ZNF713: variants seen among roughly 807,000 people sequenced by gnomAD.
ZNF713 encodes the protein zinc finger protein 713.
In ZNF713, 21 loss-of-function variants were observed where a neutral mutation model predicts 28.7. The observed-to-expected ratio is 0.73, with a 90% CI of 0.52 to 1.05. The LOEUF (loss-of-function observed/expected upper bound fraction) is 1.05. Among genes scored for constraint, ZNF713 ranks in the 50% least tolerant of loss-of-function variants. The pLI is 0.00. For missense variants in ZNF713, 458 were observed against 532.4 expected (o/e 0.86, Z 1.37); for synonymous variants, 167 against 178.0 (o/e 0.94, Z 0.49).
At chr7:55,919,490 G>GTTTTTTTTGTTTTTTTTTTTTTT (rs1785945405) in intron 4 of ZNF713, among the ~76,000 whole-genome samples, 3 of 66,760 alleles carry the variant, frequency 4.5e-5, no homozygotes, top group African/African-American at 1.5e-4. Context: ...AAACACTCCA[G>GTTTTTTTTGTTTTTTTTTTTTTT]TTTTTTTTTT....
intron 4 of ZNF713, among the ~76,000 whole-genome samples, chr7:55,919,639 G>T (rs576980938): frequency 1.3e-5 from 2 of 151,578 alleles, no homozygotes; most frequent in East Asian, 3.9e-4. Flanking sequence ...CCGAGTAGCT[G>T]GGACTACAGG....
chr7:55,917,871 G>A (rs765755475), intron 4 of ZNF713, among the ~76,000 whole-genome samples: 9 of 152,182 alleles, frequency 5.9e-5, no homozygotes, highest in Non-Finnish European at 1.3e-4. Context: ...TTTGCCATGA[G>A]TTTGATATTT....
chr7:55,916,695 G>T (rs1031056015), intron 4 of ZNF713, among the ~76,000 whole-genome samples: 4 of 152,176 alleles, frequency 2.6e-5, no homozygotes, highest in Non-Finnish European at 5.9e-5. Context: ...AAGCTGCTTT[G>T]TTCAATAATT....
chr7:55,912,574 C>G, intron 3 of ZNF713, 61 bp from the exon 4 acceptor site: 1 of 1,247,718 alleles, frequency 8.0e-7, no homozygotes, highest in South Asian at 1.3e-5. Flanking sequence ...AAAGCAGAAT[C>G]TCCAGGATTT....
chr7:55,911,330 A>T (rs1389822335), intron 2 of ZNF713, among the ~76,000 whole-genome samples: 1 of 152,244 alleles, frequency 6.6e-6, no homozygotes, highest in South Asian at 2.1e-4. Flanking sequence ...TTTCTAAAGA[A>T]AACAGTCATT....
At chr7:55,935,557 C>A (rs1193057304) in intron 6 of ZNF713, among the ~76,000 whole-genome samples, 1 of 152,114 alleles carries the variant, frequency 6.6e-6, no homozygotes, top group African/African-American at 2.4e-5. Flanking sequence ...ACAGAAGATA[C>A]CTGCATATCA....
At chr7:55,909,872 C>T (rs999773907) in intron 2 of ZNF713, among the ~76,000 whole-genome samples, 5 of 151,744 alleles carry the variant, frequency 3.3e-5, no homozygotes, top group Non-Finnish European at 5.9e-5. Flanking sequence ...TCAGCTTGAA[C>T]GTTAAAAGTA....
chr7:55,919,905 T>C (rs1222740411), intron 4 of ZNF713, among the ~76,000 whole-genome samples: 1 of 152,102 alleles, frequency 6.6e-6, no homozygotes, highest in African/African-American at 2.4e-5. Flanking sequence ...GGGGTATGTG[T>C]ACAGAACGTG....
intron 1 of ZNF713, among the ~76,000 whole-genome samples, chr7:55,896,700 T>TC (rs890529664): frequency 6.6e-6 from 1 of 151,858 alleles, no homozygotes; most frequent in Non-Finnish European, 1.5e-5. Context: ...CCTAGTTATG[T>TC]CTGCTAAGAG....
At chr7:55,892,382 G>C (rs1785397400) in intron 1 of ZNF713, among the ~76,000 whole-genome samples, 2 of 151,588 alleles carry the variant, frequency 1.3e-5, no homozygotes, top group African/African-American at 4.8e-5. Flanking sequence ...GGTGTTCAGG[G>C]TTTTAATTGG....
chr7:55,917,192 C>T (rs112719879), intron 4 of ZNF713, among the ~76,000 whole-genome samples: 43,238 of 149,752 alleles, frequency 0.29, 6,594 homozygotes, highest in Middle Eastern at 0.38. Flanking sequence ...CCAGCCTGGG[C>T]GACAGAGCAA....
At chr7:55,925,307 C>G (rs1044378547) in intron 6 of ZNF713, among the ~76,000 whole-genome samples, 2 of 152,156 alleles carry the variant, frequency 1.3e-5, no homozygotes, top group Non-Finnish European at 2.9e-5. Flanking sequence ...GCTTTTAATG[C>G]TCTAAGTGAT....
At chr7:55,929,670 G>T (rs916702666) in intron 6 of ZNF713, among the ~76,000 whole-genome samples, 1 of 150,730 alleles carries the variant, frequency 6.6e-6, no homozygotes, top group Admixed American at 6.6e-5. Flanking sequence ...CATGAGAACC[G>T]CCTGAGCCTG....
chr7:55,893,126 G>A (rs535807906), intron 1 of ZNF713, among the ~76,000 whole-genome samples: 31 of 152,006 alleles, frequency 2.0e-4, no homozygotes, highest in Non-Finnish European at 4.1e-4. Context: ...TTCATGATCT[G>A]CCCGCCTCAG....
At chr7:55,913,265 G>T (rs903718740) in intron 4 of ZNF713, among the ~76,000 whole-genome samples, 1 of 132,610 alleles carries the variant, frequency 7.5e-6, no homozygotes, top group African/African-American at 2.9e-5. Flanking sequence ...GCAGTGGCAC[G>T]ATCTCGGTTC....
chr7:55,923,856 A>G, intron 6 of ZNF713, 157 bp downstream of exon 6: 1 of 530,458 alleles, frequency 1.9e-6, no homozygotes, highest in Non-Finnish European at 3.4e-6. Flanking sequence ...TGAATTTGAA[A>G]TGGCTGTCTT....
rs1290368061 is a variant in ZNF713, at chr7:55,902,849, C to T, written c.-582-3404C>T. 3.3e-5 allele frequency among the ~76,000 whole-genome samples: 5 copies of T among 151,698 alleles called. No homozygotes were observed. The East Asian group carries it at 5.8e-4, about 18-fold the overall frequency. Reference sequence around the variant, plus strand: ...GAGCTAATAATATTGTACCAGTAGCCGGATATGGTGGTGGGTGCCTATAAT... The same window carrying T: ...GAGCTAATAATATTGTACCAGTAGCTGGATATGGTGGTGGGTGCCTATAAT... On this transcript the variant is annotated intron_variant, in intron 1 of 6. Transcript: ENST00000429591.
At chr7:55,929,083 A>G (rs1786160059) in intron 6 of ZNF713, among the ~76,000 whole-genome samples, 1 of 152,102 alleles carries the variant, frequency 6.6e-6, no homozygotes, top group South Asian at 2.1e-4. Context: ...GGCTGCAGTG[A>G]GCTATGATTG....
At chr7:55,898,381 AC>A (rs1377796117) in intron 1 of ZNF713, among the ~76,000 whole-genome samples, 2 of 152,344 alleles carry the variant, frequency 1.3e-5, no homozygotes, top group Admixed American at 6.5e-5. Context: ...ACTACCTGAG[AC>A]TGAGTAATTT....
Sources: allele counts gnomAD v4.1 joint callset (sites outside exome capture counted in the v4.1 genomes callset), GRCh38; gene constraint gnomAD v4.1.1; transcripts MANE v1.5; gene names NCBI Gene and HGNC (gene_info 2026-07-23, HGNC 2026-07-21).